CAPN1: variants seen among roughly 807,000 people sequenced by gnomAD.
CAPN1 encodes calpain 1, also known as calpain-1 catalytic subunit.
In CAPN1, 77 loss-of-function variants were observed where a neutral mutation model predicts 105.2. The ratio of observed to expected loss-of-function variants is 0.73; its 90% confidence interval spans 0.61 to 0.88. The LOEUF is 0.88. CAPN1 is among the 40% of genes least tolerant of loss of function. The pLI is 0.00. For synonymous variants in CAPN1, 355 were observed against 388.8 expected (o/e 0.91, Z 1.02); for missense variants, 833 against 976.6 (o/e 0.85, Z 1.96).
chr11:65,211,042 G>A (rs901355360), intron 21 of CAPN1, 170 bp downstream of exon 21: 4 of 756,560 alleles, frequency 5.3e-6, no homozygotes, highest in South Asian at 1.7e-5. Flanking sequence ...TCTGGATTCT[G>A]GGAAAGGAGC....
chr11:65,193,147 ATT>A (rs762975839), intron 10 of CAPN1, among the ~76,000 whole-genome samples: 20 of 129,320 alleles, frequency 1.5e-4, no homozygotes, highest in Admixed American at 1.6e-4. Flanking sequence ...CGCCTGGCTA[ATT>A]TTTTTTTTTT....
rs1949016508 is a variant in CAPN1, at chr11:65,209,789, G to T, written c.1795-60G>T. The T allele has an allele frequency of 1.9e-6, 3 of 1,548,468 alleles. No individual in the cohort carries two copies. In the East Asian group the frequency reaches 6.9e-5, roughly 36 times the overall value. ...CGGCGGCCATCTCCCCTTCTGCACA[G>T]TTGCCCACTCTCCCATGACTGGTCT... On this transcript the variant is annotated intron_variant, in intron 17 of 21. Coordinates refer to ENST00000279247, the MANE Select transcript of CAPN1 (RefSeq NM_005186.4). The surrounding 1 kb of genome is among the most constrained non-coding windows in gnomAD (Gnocchi z 4.1).
chr11:65,181,531 T>C (rs1948528951), upstream of CAPN1: 1 of 374,430 alleles, frequency 2.7e-6, no homozygotes, highest in Non-Finnish European at 5.3e-6. The surrounding 1 kb of genome is among the most constrained non-coding windows in gnomAD (Gnocchi z 4.6). Context: ...CGCCGCACAA[T>C]CGCCCCGGAA....
chr11:65,210,156 A>C lies in CAPN1; in HGVS notation c.1942+60A>C. The C allele has an allele frequency of 7.1e-7, 1 of 1,418,196 alleles. No homozygotes were observed. Among genetic ancestry groups the C allele is most frequent in the Non-Finnish European group, 1.0e-6 (1 of 1,004,076 alleles). The allele number at this position is 1,418,196 out of a possible 1,614,324, so 87.9% of individuals were successfully genotyped here. A position where few individuals can be genotyped will look rare whatever the true frequency, so the allele number is the denominator to read the frequency against. On this transcript the variant is annotated intron_variant, in intron 19 of 21. Coordinates refer to ENST00000279247, the MANE Select transcript of CAPN1 (RefSeq NM_005186.4). The surrounding 1 kb of genome is among the most constrained non-coding windows in gnomAD (Gnocchi z 4.3). ...CAGGACAGGTAGCCCCACTGCTCCT[A>C]TGCCCCAGGCCCTTGTCCCTGGGGT...
At chr11:65,200,856 C>T (rs2137367582) in intron 10 of CAPN1, among the ~76,000 whole-genome samples, 1 of 150,060 alleles carries the variant, frequency 6.7e-6, no homozygotes, top group South Asian at 2.1e-4. Context: ...TGGTGTTGAA[C>T]TCCTGGGCTC....
chr11:65,197,326 T>C (rs896848006), intron 10 of CAPN1, among the ~76,000 whole-genome samples: 2 of 152,226 alleles, frequency 1.3e-5, no homozygotes, highest in African/African-American at 2.4e-5. Flanking sequence ...TTTTGAGCTA[T>C]GATATTTGGT....
Position 65,209,363 on chromosome 11 carries a change from C to A in CAPN1, c.1770C>A (p.Cys590Ter). ...LRTKGFSLES[C>*]RSMVNLMDRD... ...CCAAGGGCTTCAGCCTAGAGTCGTG[C>A]CGCAGCATGGTGAACCTCATGGATG... The change falls in exon 17 of 22, where the codon TGC becomes TGA. Residue 590 changes from cysteine to a stop codon, truncating the protein, a stop_gained. Transcript: ENST00000279247. LOFTEE classifies it high-confidence loss of function. The surrounding 1 kb of genome is among the most constrained non-coding windows in gnomAD (Gnocchi z 4.1). 6.2e-7 allele frequency: 1 copy of A among 1,613,702 alleles called. No homozygotes were observed. The highest frequency in any genetic ancestry group is 8.5e-7 in the Non-Finnish European group (1 of 1,179,730).
intron 7 of CAPN1, 90 bp downstream of exon 7, chr11:65,187,388 G>A: frequency 3.5e-6 from 3 of 858,842 alleles, no homozygotes; most frequent in Non-Finnish European, 5.7e-6. Context: ...GGCTGTGGAA[G>A]GTGCTGGCTC....
intron 14 of CAPN1, 71 bp from the exon 15 acceptor site, chr11:65,207,984 C>T: frequency 8.5e-7 from 1 of 1,169,668 alleles, no homozygotes; most frequent in South Asian, 1.4e-5. Flanking sequence ...GACCTCAGCC[C>T]TCCCTCCAGC....
rs527479383 is a variant in CAPN1 at position 65,184,999 on chromosome 11, T to A, written c.457-918T>A. Reference sequence around the variant, plus strand: ...CATATCAAGTATACACATGTCTATATGTGGTATGCATGTATTAGTATACAG... The same window carrying A: ...CATATCAAGTATACACATGTCTATAAGTGGTATGCATGTATTAGTATACAG... On this transcript the variant is annotated intron_variant, in intron 4 of 21. Coordinates refer to ENST00000279247, the MANE Select transcript of CAPN1 (RefSeq NM_005186.4). Among the ~76,000 whole-genome samples, 10 of 152,266 alleles carry A rather than the reference T, an allele frequency of 6.6e-5. No homozygotes were observed. The South Asian group carries it at 1.7e-3, about 25-fold the overall frequency.
Position 65,187,460 on chromosome 11 carries a change from C to T in CAPN1, c.843+162C>T, listed in dbSNP as rs1948651564. ...GGGGACACCCATCTGAGATGCCTAT[C>T]ATGTCCTGCCCTGACTGACTGTAGT... On this transcript the variant is annotated intron_variant, in intron 7 of 21. Coordinates refer to ENST00000279247, the MANE Select transcript of CAPN1 (RefSeq NM_005186.4). 5.4e-5 allele frequency: 33 copies of T among 616,300 alleles called. No homozygotes were observed. The South Asian group carries it at 5.9e-4, about 11-fold the overall frequency. 38.2% of individuals were successfully genotyped at this position (616,300 alleles called of 1,614,324 possible). A position where few individuals can be genotyped will look rare whatever the true frequency, so the allele number is the denominator to read the frequency against.
chr11:65,195,922 T>G (rs1948787428), intron 10 of CAPN1, among the ~76,000 whole-genome samples: 1 of 152,140 alleles, frequency 6.6e-6, no homozygotes, highest in African/African-American at 2.4e-5. Flanking sequence ...ATAGGTCTAT[T>G]TAGATTTTCT....
Position 65,188,332 on chromosome 11 carries a change from C to T in CAPN1, c.930-82C>T, listed in dbSNP as rs1456863437. 8 of 1,295,740 alleles carry T rather than the reference C, an allele frequency of 6.2e-6. No homozygotes were observed. Among genetic ancestry groups the T allele is most frequent in the African/African-American group, 2.9e-5 (2 of 68,070 alleles). 80.3% of individuals were successfully genotyped at this position (1,295,740 alleles called of 1,614,324 possible). ...CCACCTGGGCTGGGCCGGGGGAAGA[C>T]AGGCCAGGGTAGACAGGCCCCAGGG... On this transcript the variant is annotated intron_variant, in intron 8 of 21. Coordinates refer to ENST00000279247, the MANE Select transcript of CAPN1 (RefSeq NM_005186.4). The surrounding 1 kb of genome is among the most constrained non-coding windows in gnomAD (Gnocchi z 5.5).
intron 10 of CAPN1, among the ~76,000 whole-genome samples, chr11:65,201,022 G>C (rs1488000107): frequency 7.6e-6 from 1 of 131,842 alleles, no homozygotes; most frequent in East Asian, 2.3e-4. Context: ...TCAGCTCACT[G>C]CAAGCTCCTT....
chr11:65,209,439 C>A lies in CAPN1; in HGVS notation c.1794+52C>A. On this transcript the variant is annotated intron_variant, in intron 17 of 21. Coordinates refer to ENST00000279247, the MANE Select transcript of CAPN1 (RefSeq NM_005186.4). This position sits in a 1 kb window ranked among gnomAD's most constrained non-coding sequence, Gnocchi z 4.1. ...TGAGTGGGGTTTTGGGTGGAGGTATCGGTGCTGGGAGAACTGTCCCAGGAC... is the reference window on the plus strand; with the variant it reads ...TGAGTGGGGTTTTGGGTGGAGGTATAGGTGCTGGGAGAACTGTCCCAGGAC... The A allele has an allele frequency of 2.0e-6, 3 of 1,476,614 alleles. No homozygotes were observed. Among genetic ancestry groups the A allele is most frequent in the East Asian group, 2.3e-5 (1 of 43,536 alleles). The allele number at this position is 1,476,614 out of a possible 1,614,324, so 91.5% of individuals were successfully genotyped here.
At position 65,209,733 on chromosome 11, in the gene CAPN1, C is replaced by T; in HGVS notation, c.1795-116C>T. 1 of 998,304 alleles carries T rather than the reference C, an allele frequency of 1.0e-6. No individual in the cohort carries two copies. Among genetic ancestry groups the T allele is most frequent in the Non-Finnish European group, 1.5e-6 (1 of 657,388 alleles). The allele number at this position is 998,304 out of a possible 1,614,324, so 61.8% of individuals were successfully genotyped here. Reference sequence around the variant, plus strand: ...ACTGTACATGGCTTTTGCTGCTTCTCCTCACCCAGCCCCAAGTCGACTTGC... The same window carrying T: ...ACTGTACATGGCTTTTGCTGCTTCTTCTCACCCAGCCCCAAGTCGACTTGC... On this transcript the variant is annotated intron_variant, in intron 17 of 21. Coordinates refer to ENST00000279247, the MANE Select transcript of CAPN1 (RefSeq NM_005186.4). The surrounding 1 kb of genome is among the most constrained non-coding windows in gnomAD (Gnocchi z 4.1).
chr11:65,186,737 G>T (rs142706120), intron 6 of CAPN1, among the ~76,000 whole-genome samples: 149 of 151,914 alleles, frequency 9.8e-4, no homozygotes, highest in African/African-American at 3.6e-3. Flanking sequence ...CTGCTCCTCT[G>T]TTCCCACACT....
intron 10 of CAPN1, among the ~76,000 whole-genome samples, chr11:65,200,762 G>C (rs1201897716): frequency 6.6e-6 from 1 of 151,170 alleles, no homozygotes; most frequent in African/African-American, 2.4e-5. Context: ...CAAGTAGCTG[G>C]GACTATGATA....
rs1195888350 is a variant in CAPN1 at position 65,210,756 on chromosome 11, C to T, written c.2060-58C>T. 3 of 1,398,010 alleles carry T rather than the reference C, an allele frequency of 2.1e-6. No homozygotes were observed. The East Asian group carries it at 6.8e-5, about 32-fold the overall frequency. 86.6% of individuals were successfully genotyped at this position (1,398,010 alleles called of 1,614,324 possible). ...AGGCAGGAAGGGGGCCAGGCCTGGC[C>T]CTGCGTGAATATCCCACTGAGTTTT... On this transcript the variant is annotated intron_variant, in intron 20 of 21. Transcript: ENST00000279247. This position sits in a 1 kb window ranked among gnomAD's most constrained non-coding sequence, Gnocchi z 4.3.
Sources: allele counts gnomAD v4.1 joint callset (sites outside exome capture counted in the v4.1 genomes callset), GRCh38; gene constraint gnomAD v4.1.1; non-coding constraint Gnocchi (gnomAD v3.1); transcripts MANE v1.5; gene names NCBI Gene and HGNC (gene_info 2026-07-23, HGNC 2026-07-21).